The following IFITM10 variants were observed in gnomAD, a reference collection of about 807,000 sequenced individuals.
IFITM10 encodes interferon-induced transmembrane protein 10.
In IFITM10, 17 loss-of-function variants were observed where a neutral mutation model predicts 19.0. That is an observed-to-expected ratio of 0.90 (90% confidence interval 0.61 to 1.34). IFITM10 has a LOEUF of 1.34. Among genes scored for constraint, IFITM10 ranks in the 40% most tolerant of loss-of-function variants. The pLI is 0.00. For synonymous variants in IFITM10, 148 were observed against 147.2 expected, an observed-to-expected ratio of 1.01 and a Z score of -0.04; for missense variants, 306 against 319.8, an observed-to-expected ratio of 0.96 and a Z score of 0.33.
At chr11:1,736,895 C>G (rs1003819758) in intron 2 of IFITM10, among the ~76,000 whole-genome samples, 5 of 151,710 alleles carry the variant, frequency 3.3e-5, no homozygotes, top group Non-Finnish European at 5.9e-5. Flanking sequence ...AGGGAGGGAA[C>G]AAGGGCAAAT....
At position 1,750,361 on chromosome 11, in the gene IFITM10, C is replaced by T; in HGVS notation, c.82G>A (p.Glu28Lys). ...TGAGCTGGGTCCTCTTCACCAACCTCCAGCTCCCACTGAGCCTCGACCCTC... is the reference window on the plus strand; with the variant it reads ...TGAGCTGGGTCCTCTTCACCAACCTTCAGCTCCCACTGAGCCTCGACCCTC... ...LERVEAQWELEAQGPGQCPAP... is the reference protein window; with the variant it reads ...LERVEAQWELKAQGPGQCPAP... Residue 28 changes from glutamate to lysine, a missense_variant and splice_region_variant, in exon 1 of 3, where the codon GAG becomes AAG. Transcript: ENST00000340134. The T allele has an allele frequency of 3.2e-6, 5 of 1,550,530 alleles. No individual in the cohort carries two copies. Among genetic ancestry groups the T allele is most frequent in the South Asian group, 1.2e-5 (1 of 84,062 alleles).
At position 1,747,805 on chromosome 11, in the gene IFITM10, C is replaced by T; in HGVS notation, c.399G>A (p.Thr133=). The change falls in exon 2 of 3, where the codon ACG becomes ACA. Residue 133 remains threonine, a synonymous_variant. Transcript: ENST00000340134. ...PACKHLAEKK[T]MTNPTTVIEV... ...CGATGACGGTCGTGGGGTTGGTCAT[C>T]GTCTTCTTCTCGGCTAGGTGCTTGC... The T allele has an allele frequency of 1.3e-6, 2 of 1,550,698 alleles. No homozygotes were observed. Among genetic ancestry groups the T allele is most frequent in the Non-Finnish European group, 1.7e-6 (2 of 1,146,246 alleles).
At chr11:1,750,227 C>T (rs1845701454) in intron 1 of IFITM10, 132 bp downstream of exon 1, 2 of 1,488,882 alleles carry the variant, frequency 1.3e-6, no homozygotes, top group Non-Finnish European at 1.8e-6. Context: ...ATGCTTGACG[C>T]CAGCTGATCT....
At chr11:1,737,000 G>A (rs1406018420) in intron 2 of IFITM10, among the ~76,000 whole-genome samples, 5 of 152,302 alleles carry the variant, frequency 3.3e-5, no homozygotes, top group African/African-American at 9.6e-5. Flanking sequence ...AGGATTCAGG[G>A]TAAGGAAGGA....
At chr11:1,746,634 G>T (rs1845653668) in intron 2 of IFITM10, 5 of 398,534 alleles carry the variant, frequency 1.3e-5, no homozygotes, top group Admixed American at 4.4e-5. Context: ...CGGGCGGGGT[G>T]GGGCTCGAGC....
chr11:1,747,789 T>A lies in IFITM10; in HGVS notation c.415A>T (p.Thr139Ser), dbSNP rs1456896007. ...GTGTCCGGGTAGACCTCGATGACGG[T>A]CGTGGGGTTGGTCATCGTCTTCTTC... The part of the protein sequence containing the change: ...AEKKTMTNPT[T>S]VIEVYPDTTE... Residue 139 changes from threonine (T) to serine (S), a missense_variant, in exon 2 of 3, where the codon ACC becomes TCC. Coordinates refer to ENST00000340134, the MANE Select transcript of IFITM10 (RefSeq NM_001170820.4). The A allele has an allele frequency of 6.4e-7, 1 of 1,551,318 alleles. No individual in the cohort carries two copies. Among genetic ancestry groups the A allele is most frequent in the East Asian group, 2.4e-5 (1 of 40,912 alleles).
chr11:1,734,449 C>G lies in IFITM10; in HGVS notation c.*831G>C, dbSNP rs576768957. 1 of 152,452 alleles carries G rather than the reference C, an allele frequency of 6.6e-6. No homozygotes were observed. Among genetic ancestry groups the G allele is most frequent in the East Asian group, 1.9e-4 (1 of 5,178 alleles). The allele number at this position is 152,452 out of a possible 1,614,324, so 9.4% of individuals were successfully genotyped here. A position where few individuals can be genotyped will look rare whatever the true frequency, so the allele number is the denominator to read the frequency against. ...AGGTCCCAGAGCCCTCCAGGAGGGA[C>G]AGGGGTTAGCCAGGCGTCTATCGTC... On this transcript the variant is annotated 3_prime_UTR_variant, in exon 3 of 3. Transcript: ENST00000340134.
Position 1,732,974 on chromosome 11 carries a change from C to T in IFITM10, c.*2306G>A, listed in dbSNP as rs1472727941. ...AGCATTTGCCCCTCTACTTTCTTCC[C>T]TCCCAGGCATAACATGGAAGACACC... On this transcript the variant is annotated 3_prime_UTR_variant, in exon 3 of 3. Transcript: ENST00000340134. 2 of 152,206 alleles carry T rather than the reference C, an allele frequency of 1.3e-5. No individual in the cohort carries two copies. The allele number at this position is 152,206 out of a possible 1,614,324, so 9.4% of individuals were successfully genotyped here.
At position 1,742,988 on chromosome 11, in the gene IFITM10, C is replaced by T. The variant is rs561420912; in HGVS notation, c.537+4679G>A. Among the ~76,000 whole-genome samples the T allele has an allele frequency of 2.4e-3, 199 of 82,746 alleles. 5 individuals carry two copies. The highest frequency in any genetic ancestry group is 0.013 in the African/African-American group (189 of 14,128). 54.3% of individuals were successfully genotyped at this position (82,746 alleles called of 152,430 possible). A position where few individuals can be genotyped will look rare whatever the true frequency, so the allele number is the denominator to read the frequency against. On this transcript the variant is annotated intron_variant, in intron 2 of 2. Coordinates refer to ENST00000340134, the MANE Select transcript of IFITM10 (RefSeq NM_001170820.4). ...GATGGAGGATGGATGGATGGATGGA[C>T]ATATGGATGGATGAAAGATAAATGG... is the stretch of plus-strand genomic sequence containing the variant.
chr11:1,746,357 C>T (rs943953742), intron 2 of IFITM10: 32 of 393,196 alleles, frequency 8.1e-5, no homozygotes, highest in Non-Finnish European at 1.1e-4. Flanking sequence ...CACACATGCA[C>T]ACACAAAAAT....
intron 2 of IFITM10, chr11:1,746,521 C>T (rs77958954): frequency 2.5e-6 from 1 of 398,580 alleles, no homozygotes; most frequent in Non-Finnish European, 4.4e-6. Context: ...GGGATGGATC[C>T]GCAGGCCCGA....
chr11:1,740,655 A>C (rs1845555602), intron 2 of IFITM10, among the ~76,000 whole-genome samples: 1 of 152,176 alleles, frequency 6.6e-6, no homozygotes, highest in African/African-American at 2.4e-5. Context: ...TGGCATAGCA[A>C]TTTGTGTGAG....
intron 2 of IFITM10, chr11:1,744,912 A>G (rs1293533545): frequency 6.6e-6 from 1 of 152,162 alleles, no homozygotes; most frequent in African/African-American, 2.4e-5. Flanking sequence ...AGGTCAGGAG[A>G]CCTGCAGCTG....
intron 2 of IFITM10, among the ~76,000 whole-genome samples, chr11:1,743,698 A>T (rs1472832823): frequency 6.6e-6 from 1 of 151,952 alleles, no homozygotes; most frequent in Non-Finnish European, 1.5e-5. Context: ...GCTCACATCT[A>T]GCAGCTGCTG....
chr11:1,749,113 C>T (rs1233718087), intron 1 of IFITM10: 2 of 1,089,242 alleles, frequency 1.8e-6, no homozygotes, highest in South Asian at 4.2e-5. Context: ...TGATCCGCCT[C>T]CCAGCGGCCC....
intron 2 of IFITM10, chr11:1,745,355 A>G (rs956501972): frequency 1.3e-5 from 2 of 152,264 alleles, no homozygotes; most frequent in African/African-American, 4.8e-5. Flanking sequence ...GCAGAGCTCC[A>G]CCAGCTGCAG....
intron 1 of IFITM10, chr11:1,749,000 A>G: frequency 9.7e-7 from 1 of 1,035,674 alleles, no homozygotes; most frequent in Non-Finnish European, 1.2e-6. Context: ...AGCCCCCCGG[A>G]CGGCGCCTCC....
intron 2 of IFITM10, among the ~76,000 whole-genome samples, chr11:1,747,051 C>G (rs965057474): frequency 1.1e-4 from 16 of 152,152 alleles, no homozygotes; most frequent in African/African-American, 3.9e-4. Context: ...CCAGCACCTG[C>G]TCTGCTACCA....
At chr11:1,737,651 G>C (rs1851101146) in intron 2 of IFITM10, among the ~76,000 whole-genome samples, 1 of 152,192 alleles carries the variant, frequency 6.6e-6, no homozygotes, top group Non-Finnish European at 1.5e-5. Context: ...GAAGATTCCA[G>C]AGCGTTTCCA....
Sources: allele counts gnomAD v4.1 joint callset (sites outside exome capture counted in the v4.1 genomes callset), GRCh38; gene constraint gnomAD v4.1.1; transcripts MANE v1.5; gene names NCBI Gene and HGNC (gene_info 2026-07-23, HGNC 2026-07-21).